The following ANO6 variants were observed in gnomAD, a reference collection of about 807,000 sequenced individuals.
ANO6 encodes the protein anoctamin 6.
ANO6 carries 106 observed loss-of-function variants against 117.5 expected under a neutral mutation model. That is an observed-to-expected ratio of 0.90 (90% confidence interval 0.77 to 1.06). The LOEUF (loss-of-function observed/expected upper bound fraction) is 1.06. Among genes scored for constraint, ANO6 ranks in the 50% least tolerant of loss-of-function variants. ANO6 has a pLI of 0.00. For missense variants in ANO6, 955 were observed against 1,121.1 expected (o/e 0.85, Z 2.12); for synonymous variants, 367 against 385.1 (o/e 0.95, Z 0.55).
Position 45,222,413 on chromosome 12 carries a change from G to A in ANO6, c.70+6022G>A, listed in dbSNP as rs866372387. On this transcript the variant is annotated intron_variant, in intron 1 of 19. Coordinates refer to ENST00000320560, the MANE Select transcript of ANO6 (RefSeq NM_001025356.3). Reference sequence around the variant, plus strand: ...TGATCTCAGGTGATCCGCCTGCCTCGGCCTCCCAAAGTGCTGAGCAGGCGT... The same window carrying A: ...TGATCTCAGGTGATCCGCCTGCCTCAGCCTCCCAAAGTGCTGAGCAGGCGT... 2.2e-4 allele frequency among the ~76,000 whole-genome samples: 34 copies of A among 151,578 alleles called. 1 individual carries two copies. The highest frequency in any genetic ancestry group is 3.4e-3 in the Middle Eastern group (1 of 292).
chr12:45,330,863 G>T (rs534324570), intron 2 of ANO6, among the ~76,000 whole-genome samples: 6 of 152,096 alleles, frequency 3.9e-5, no homozygotes, highest in Non-Finnish European at 7.4e-5. Context: ...ATGGTAAAAG[G>T]TTAGAAAATA....
chr12:45,323,257 C>G (rs1052987353), intron 2 of ANO6, among the ~76,000 whole-genome samples: 1 of 152,142 alleles, frequency 6.6e-6, no homozygotes, highest in Non-Finnish European at 1.5e-5. Context: ...CTCTGATGTC[C>G]AAAACCAAAG....
chr12:45,363,409 A>G (rs1941605078), intron 8 of ANO6, among the ~76,000 whole-genome samples: 1 of 152,008 alleles, frequency 6.6e-6, no homozygotes, highest in Non-Finnish European at 1.5e-5. Flanking sequence ...CTAAAAATAC[A>G]GAAACTTAGC....
At chr12:45,292,796 C>T in intron 1 of ANO6, 1 of 1,485,400 alleles carries the variant, frequency 6.7e-7, no homozygotes. Flanking sequence ...AAACTCTTCT[C>T]AGAAATATTG....
intron 1 of ANO6, among the ~76,000 whole-genome samples, chr12:45,271,626 A>G (rs1359461183): frequency 2.6e-5 from 4 of 152,094 alleles, no homozygotes; most frequent in African/African-American, 9.7e-5. Context: ...CCAATGTTCT[A>G]TTTTTACTGG....
chr12:45,391,090 G>A (rs867831363), intron 12 of ANO6, among the ~76,000 whole-genome samples: 1 of 151,670 alleles, frequency 6.6e-6, no homozygotes. Context: ...CACTGCACTC[G>A]ACTGGGTAAC....
intron 1 of ANO6, among the ~76,000 whole-genome samples, chr12:45,218,579 C>G (rs963730255): frequency 6.6e-6 from 1 of 151,688 alleles, no homozygotes; most frequent in African/African-American, 2.4e-5. Context: ...TTTGGAAGTA[C>G]AAATTTAATG....
At chr12:45,422,670 G>A (rs1943395899) in intron 18 of ANO6, among the ~76,000 whole-genome samples, 1 of 151,888 alleles carries the variant, frequency 6.6e-6, no homozygotes, top group South Asian at 2.1e-4. Context: ...CACCTCTCGG[G>A]TTCAAGCAAT....
In ANO6 at chr12:45,406,811, G is replaced by A. The variant is rs117502541; in HGVS notation, c.1881-2546G>A. 2.9e-3 allele frequency among the ~76,000 whole-genome samples: 444 copies of A among 152,226 alleles called. 7 individuals carry two copies. Among genetic ancestry groups the A allele is most frequent in the East Asian group, 0.02 (103 of 5,174 alleles). ...TTAGCAAGTGGGAATACTGTAGAACGTCCTAAACAGAAATGATGATCATCT... is the reference window on the plus strand; with the variant it reads ...TTAGCAAGTGGGAATACTGTAGAACATCCTAAACAGAAATGATGATCATCT... On this transcript the variant is annotated intron_variant, in intron 15 of 19. Transcript: ENST00000320560.
rs148887701 is a variant in ANO6 at position 45,225,748 on chromosome 12, C to A, written c.70+9357C>A. 6.3e-4 allele frequency among the ~76,000 whole-genome samples: 96 copies of A among 152,286 alleles called. 1 individual carries two copies. In the East Asian group the frequency reaches 0.018, roughly 29 times the overall value. ...TCGTTATCCTCCCGCCTCGGCCTTC[C>A]AAAGTGCTGGGATTACAGGCGTGAG... On this transcript the variant is annotated intron_variant, in intron 1 of 19. Coordinates refer to ENST00000320560, the MANE Select transcript of ANO6 (RefSeq NM_001025356.3).
At chr12:45,336,640 A>C (rs1940833068) in intron 3 of ANO6, among the ~76,000 whole-genome samples, 1 of 152,086 alleles carries the variant, frequency 6.6e-6, no homozygotes, top group Non-Finnish European at 1.5e-5. Context: ...GTCATATAAA[A>C]ATATAGCACA....
intron 2 of ANO6, among the ~76,000 whole-genome samples, chr12:45,311,958 C>T (rs1342081287): frequency 6.6e-6 from 1 of 151,940 alleles, no homozygotes; most frequent in African/African-American, 2.4e-5. Flanking sequence ...TTATTAGCAG[C>T]CAAATGATGT....
At chr12:45,416,328 T>TAAA (rs11424180) in intron 16 of ANO6, among the ~76,000 whole-genome samples, 11 of 150,298 alleles carry the variant, frequency 7.3e-5, no homozygotes, top group South Asian at 4.2e-4. Context: ...TCTTTTTTCT[T>TAAA]AAAAAAAAAA....
Position 45,423,090 on chromosome 12 carries a change from T to C in ANO6, c.2526+28T>C, listed in dbSNP as rs776178679. On this transcript the variant is annotated intron_variant, in intron 19 of 19. Transcript: ENST00000320560. ...AGGAAAAGTATGCTTTCAAACAGTT[T>C]ATAAGGATGTGTATTTGCAGACCTT... 19 of 1,529,876 alleles carry C rather than the reference T, an allele frequency of 1.2e-5. 1 individual carries two copies. In the Admixed American group the frequency reaches 3.0e-4, roughly 24 times the overall value. The allele number at this position is 1,529,876 out of a possible 1,614,324, so 94.8% of individuals were successfully genotyped here.
intron 1 of ANO6, among the ~76,000 whole-genome samples, chr12:45,263,499 G>T (rs1008322305): frequency 6.6e-6 from 1 of 150,862 alleles, no homozygotes; most frequent in African/African-American, 2.4e-5. Context: ...GTCGTGAGCT[G>T]CCCTGCCTGT....
intron 2 of ANO6, among the ~76,000 whole-genome samples, chr12:45,310,900 C>T (rs1184764382): frequency 2.6e-5 from 4 of 151,960 alleles, no homozygotes; most frequent in African/African-American, 9.7e-5. Flanking sequence ...CACTAATCTC[C>T]ATATTCCAGA....
chr12:45,288,635 G>A (rs934680442), intron 1 of ANO6, among the ~76,000 whole-genome samples: 6 of 152,126 alleles, frequency 3.9e-5, no homozygotes, highest in Non-Finnish European at 8.8e-5. Context: ...ATCAGTCAGT[G>A]GACACTTGAA....
intron 1 of ANO6, among the ~76,000 whole-genome samples, chr12:45,278,725 T>G (rs539280232): frequency 6.6e-6 from 1 of 152,354 alleles, no homozygotes; most frequent in African/African-American, 2.4e-5. Flanking sequence ...CTTTGCTGTT[T>G]CTCTGTTAGA....
At chr12:45,300,163 A>G (rs2137301510) in intron 1 of ANO6, among the ~76,000 whole-genome samples, 1 of 152,274 alleles carries the variant, frequency 6.6e-6, no homozygotes, top group East Asian at 1.9e-4. Flanking sequence ...TAAATCACAC[A>G]CAATAAAATT....
Sources: gnomAD v4.1 joint callset for allele counts (sites outside exome capture counted in the v4.1 genomes callset) on GRCh38, gnomAD v4.1.1 for gene constraint, MANE v1.5 for transcripts, NCBI Gene and HGNC (gene_info 2026-07-23, HGNC 2026-07-21) for gene names.